Variants in GRB14 observed in about 807,000 individuals in gnomAD.
GRB14 encodes the protein growth factor receptor-bound protein 14.
GRB14 carries 38 observed loss-of-function variants against 69.1 expected under a neutral mutation model. The observed-to-expected ratio is 0.55, with a 90% CI of 0.42 to 0.72. The LOEUF (loss-of-function observed/expected upper bound fraction) is 0.72. Ranked by LOEUF, GRB14 falls within the 30% of genes least tolerant of loss-of-function variation. The pLI is 0.00. For synonymous variants in GRB14, 247 were observed against 241.3 expected, an observed-to-expected ratio of 1.02 and a Z score of -0.22; for missense variants, 666 against 666.1, an observed-to-expected ratio of 1.00 and a Z score of 0.00.
chr2:164,503,945 C>T (rs1687127695), intron 8 of GRB14, among the ~76,000 whole-genome samples: 1 of 152,038 alleles, frequency 6.6e-6, no homozygotes, highest in Non-Finnish European at 1.5e-5. Context: ...CGGGGGTCAC[C>T]TTAACATTTC....
At chr2:164,505,025 C>G (rs1383251862) in intron 8 of GRB14, among the ~76,000 whole-genome samples, 1 of 152,198 alleles carries the variant, frequency 6.6e-6, no homozygotes. Context: ...TAACTGGATT[C>G]TCCTCTAGAG....
intron 2 of GRB14, among the ~76,000 whole-genome samples, chr2:164,560,168 C>T (rs1238770551): frequency 6.6e-6 from 1 of 152,120 alleles, no homozygotes; most frequent in Non-Finnish European, 1.5e-5. Flanking sequence ...TTCTGTTCGT[C>T]CAGTATTTAG....
chr2:164,502,995 G>A (rs962302137), intron 8 of GRB14, among the ~76,000 whole-genome samples: 1 of 151,878 alleles, frequency 6.6e-6, no homozygotes, highest in African/African-American at 2.4e-5. Context: ...ACTTTCAGGA[G>A]GCAGCATCAT....
At chr2:164,614,481 T>C (rs1008877328) in intron 2 of GRB14, among the ~76,000 whole-genome samples, 1 of 152,230 alleles carries the variant, frequency 6.6e-6, no homozygotes, top group African/African-American at 2.4e-5. Flanking sequence ...TTTTAGACGA[T>C]ATCAAGGAAT....
rs75297721 is a variant in GRB14 at position 164,566,495 on chromosome 2, A to G, written c.325-18679T>C. 3.2e-3 allele frequency among the ~76,000 whole-genome samples: 483 copies of G among 152,294 alleles called. 18 individuals are homozygous for G. In the East Asian group the frequency reaches 0.075, roughly 24 times the overall value. ...AATATTATAACAGAAACTTGACAAG[A>G]AGCTTATTATTAAAATACCACGATA... is the stretch of plus-strand genomic sequence containing the variant. On this transcript the variant is annotated intron_variant, in intron 2 of 13. Transcript: ENST00000263915.
intron 6 of GRB14, among the ~76,000 whole-genome samples, chr2:164,512,227 C>G (rs554097537): frequency 2.0e-5 from 3 of 152,126 alleles, no homozygotes; most frequent in Admixed American, 6.5e-5. Context: ...AGGGCAATGG[C>G]GTGATCTCGG....
rs574528681 is a variant in GRB14, at chr2:164,500,282, G to A, written c.1104+1973C>T. Among the ~76,000 whole-genome samples the A allele has an allele frequency of 4.6e-5, 7 of 152,118 alleles. No homozygotes were observed. The South Asian group carries it at 8.3e-4, about 18-fold the overall frequency. ...TCTCACTTCAAAGGCTGATGGGGTGGCTGTTACATCCTTTATATAGCTAAG... is the reference window on the plus strand; with the variant it reads ...TCTCACTTCAAAGGCTGATGGGGTGACTGTTACATCCTTTATATAGCTAAG... On this transcript the variant is annotated intron_variant, in intron 9 of 13. Transcript: ENST00000263915.
In GRB14 at chr2:164,520,127, T is replaced by C. The variant is rs186002212; in HGVS notation, c.816+1853A>G. 6.0e-4 allele frequency among the ~76,000 whole-genome samples: 91 copies of C among 152,096 alleles called. 1 individual carries two copies. The highest frequency in any genetic ancestry group is 9.3e-4 in the Non-Finnish European group (63 of 67,954). Reference sequence around the variant, plus strand: ...GACTTCAAACTATACTACAAGGCCATAGTCACCCAAACAGTAAAGTACTGG... The same window carrying C: ...GACTTCAAACTATACTACAAGGCCACAGTCACCCAAACAGTAAAGTACTGG... On this transcript the variant is annotated intron_variant, in intron 6 of 13. Coordinates refer to ENST00000263915, the MANE Select transcript of GRB14 (RefSeq NM_004490.3).
chr2:164,593,170 T>C (rs983477697), intron 2 of GRB14, among the ~76,000 whole-genome samples: 1 of 152,180 alleles, frequency 6.6e-6, no homozygotes, highest in Non-Finnish European at 1.5e-5. Context: ...TGGGGATGTA[T>C]AAAAGACATT....
At chr2:164,498,867 G>A (rs1164585625) in intron 9 of GRB14, among the ~76,000 whole-genome samples, 1 of 152,030 alleles carries the variant, frequency 6.6e-6, no homozygotes, top group Non-Finnish European at 1.5e-5. Flanking sequence ...TCTTATTATG[G>A]TTCATCTATA....
At chr2:164,562,093 T>C (rs1440680311) in intron 2 of GRB14, among the ~76,000 whole-genome samples, 1 of 152,216 alleles carries the variant, frequency 6.6e-6, no homozygotes, top group Non-Finnish European at 1.5e-5. Flanking sequence ...GATACCAACT[T>C]TGTGCCTTCT....
chr2:164,531,031 T>A (rs1687921281), intron 3 of GRB14, among the ~76,000 whole-genome samples: 1 of 152,198 alleles, frequency 6.6e-6, no homozygotes, highest in Non-Finnish European at 1.5e-5. Flanking sequence ...AATCTTGATG[T>A]ATTTTGAAGG....
chr2:164,564,404 G>C (rs1688913366), intron 2 of GRB14, among the ~76,000 whole-genome samples: 1 of 152,152 alleles, frequency 6.6e-6, no homozygotes, highest in Non-Finnish European at 1.5e-5. Context: ...GTGATGATGT[G>C]TTCTTTCCTC....
intron 2 of GRB14, among the ~76,000 whole-genome samples, chr2:164,603,921 C>T (rs530555599): frequency 1.3e-5 from 2 of 152,156 alleles, no homozygotes; most frequent in Admixed American, 1.3e-4. Flanking sequence ...TTAAAAAATG[C>T]AAACAATGCA....
At chr2:164,505,484 G>C (rs1006173483) in intron 8 of GRB14, among the ~76,000 whole-genome samples, 1 of 152,080 alleles carries the variant, frequency 6.6e-6, no homozygotes, top group African/African-American at 2.4e-5. Flanking sequence ...CCTTGCACAC[G>C]CAATATCAGT....
At chr2:164,526,744 T>C (rs902177226) in intron 4 of GRB14, among the ~76,000 whole-genome samples, 1 of 152,020 alleles carries the variant, frequency 6.6e-6, no homozygotes, top group African/African-American at 2.4e-5. Flanking sequence ...GGTTTCCTAA[T>C]ACTTTTAAAT....
chr2:164,542,139 C>T (rs530222269), intron 3 of GRB14, among the ~76,000 whole-genome samples: 2 of 152,188 alleles, frequency 1.3e-5, no homozygotes, highest in Non-Finnish European at 2.9e-5. Flanking sequence ...CTACAGCCAT[C>T]TGAGCTTTGA....
chr2:164,578,280 G>A (rs1192530703), intron 2 of GRB14, among the ~76,000 whole-genome samples: 1 of 151,772 alleles, frequency 6.6e-6, no homozygotes, highest in Admixed American at 6.6e-5. Flanking sequence ...AATATGAAAA[G>A]TCTTCCAAAG....
chr2:164,567,144 T>C (rs1411323487), intron 2 of GRB14, among the ~76,000 whole-genome samples: 1 of 152,038 alleles, frequency 6.6e-6, no homozygotes, highest in Non-Finnish European at 1.5e-5. Flanking sequence ...CAAATAAAAG[T>C]TAAAACCCAA....
Sources: allele counts gnomAD v4.1 joint callset (sites outside exome capture counted in the v4.1 genomes callset), GRCh38; gene constraint gnomAD v4.1.1; transcripts MANE v1.5; gene names NCBI Gene and HGNC (gene_info 2026-07-23, HGNC 2026-07-21).